Variants in EPCAM observed in about 807,000 individuals in gnomAD.
EPCAM encodes epithelial cell adhesion molecule.
A neutral mutation model predicts 40.0 loss-of-function variants in EPCAM; 39 were observed. The ratio of observed to expected loss-of-function variants is 0.98; its 90% CI spans 0.76 to 1.27. EPCAM has a LOEUF of 1.27. Among genes scored for constraint, EPCAM ranks in the 50% most tolerant of loss-of-function variants. EPCAM has a pLI of 0.00. For synonymous variants in EPCAM, 168 were observed against 132.3 expected, an observed-to-expected ratio of 1.27 and a Z score of -1.85; for missense variants, 503 against 381.2, an observed-to-expected ratio of 1.32 and a Z score of -2.66.
rs2103758925 is a variant in EPCAM at position 47,379,829 on chromosome 2, C to G, written c.718C>G (p.Leu240Val). Residue 240 changes from leucine to valine, a missense_variant, in exon 7 of 9, where the codon CTG becomes GTG. Coordinates refer to ENST00000263735, the MANE Select transcript of EPCAM (RefSeq NM_002354.3). ...KMDLTVNGEQ[L>V]DLDPGQTLIY... is the part of the protein sequence containing the mutation. Reference sequence around the variant, plus strand: ...GGACCTGACAGTAAATGGGGAACAACTGGATCTGGATCCTGGTCAAACTTT... The same window carrying G: ...GGACCTGACAGTAAATGGGGAACAAGTGGATCTGGATCCTGGTCAAACTTT... 6.2e-7 allele frequency: 1 copy of G among 1,614,052 alleles called. No homozygotes were observed. The highest frequency in any genetic ancestry group is 1.1e-5 in the South Asian group (1 of 91,078).
intron 1 of EPCAM, among the ~76,000 whole-genome samples, chr2:47,373,205 T>TAAAAAAAAAAAAAAAAA (rs777057814): frequency 3.1e-5 from 2 of 65,048 alleles, no homozygotes; most frequent in Non-Finnish European, 6.4e-5. Context: ...ACCCTATCTT[T>TAAAAAAAAAAAAAAAAA]AAAAAAAAAA....
At chr2:47,381,085 CAAAAAAAAAAAAAAAAA>C (rs60299402) in intron 7 of EPCAM, among the ~76,000 whole-genome samples, 3 of 38,998 alleles carry the variant, frequency 7.7e-5, no homozygotes, top group African/African-American at 1.1e-4. Flanking sequence ...GACTCTGTCT[CAAAAAAAAAAAAAAAAA>C]AAAAAAAAAA....
chr2:47,378,792 T>C (rs1671496736), intron 5 of EPCAM, among the ~76,000 whole-genome samples, 161 bp from the exon 6 acceptor site: 1 of 152,212 alleles, frequency 6.6e-6, no homozygotes. Flanking sequence ...AAAGATTTCT[T>C]GATTAGTGAT....
chr2:47,385,380 G>A (rs541835675), intron 8 of EPCAM, among the ~76,000 whole-genome samples, 170 bp downstream of exon 8: 66 of 152,158 alleles, frequency 4.3e-4, no homozygotes, highest in African/African-American at 1.4e-3. Flanking sequence ...ATATTCTTGC[G>A]TGAGTTCCAT....
intron 7 of EPCAM, chr2:47,383,109 A>G (rs1438599716): frequency 1.3e-5 from 2 of 151,906 alleles, no homozygotes; most frequent in African/African-American, 2.4e-5. Flanking sequence ...GATCGAGGCC[A>G]TCCTGGCTAA....
chr2:47,377,009 T>G lies in EPCAM; in HGVS notation c.492-5T>G, dbSNP rs78608315. Reference sequence around the variant, plus strand: ...TTTTTAATACAGATTTTAAATTCTTTACAGTGCACTTCAGAAGGAGATCAC... The same window carrying G: ...TTTTTAATACAGATTTTAAATTCTTGACAGTGCACTTCAGAAGGAGATCAC... On this transcript the variant is annotated splice_region_variant and splice_polypyrimidine_tract_variant and intron_variant, in intron 4 of 8. Coordinates refer to ENST00000263735, the MANE Select transcript of EPCAM (RefSeq NM_002354.3). The G allele has an allele frequency of 6.3e-7, 1 of 1,591,906 alleles. No homozygotes were observed. The highest frequency in any genetic ancestry group is 1.3e-5 in the African/African-American group (1 of 74,534).
intron 1 of EPCAM, 24 bp from the exon 2 acceptor site, chr2:47,373,412 GAGAGTTAATAGATCCACATTTTAAAGT>G (rs770095802): frequency 9.7e-5 from 109 of 1,119,772 alleles, no homozygotes; most frequent in Non-Finnish European, 1.9e-5. Context: ...GCTGGGACAT[GAGAGTTAATAGATCCACATTTTAAAGT>G]AGATTTTTTT....
intron 8 of EPCAM, 117 bp from the exon 9 acceptor site, chr2:47,386,455 G>A (rs1485011274): frequency 1.3e-6 from 1 of 752,380 alleles, no homozygotes; most frequent in Non-Finnish European, 2.2e-6. Flanking sequence ...TCTTATAAAT[G>A]TGGGAAAAAA....
At chr2:47,381,656 C>T (rs4130578) in intron 7 of EPCAM, among the ~76,000 whole-genome samples, 5 of 152,042 alleles carry the variant, frequency 3.3e-5, no homozygotes, top group Admixed American at 6.6e-5. Flanking sequence ...TTTAAAAATA[C>T]AAAAAAGTAA....
chr2:47,371,912 T>G lies in EPCAM; in HGVS notation c.77-1551T>G, dbSNP rs538778101. On this transcript the variant is annotated intron_variant, in intron 1 of 8. Transcript: ENST00000263735. ...GAAGGATCAATATAAAAACTCTGGT[T>G]TGTCATGCTAGCTTTTTCTTTTTTT... Among the ~76,000 whole-genome samples the G allele has an allele frequency of 3.1e-4, 47 of 152,324 alleles. No individual in the cohort carries two copies. In the East Asian group the frequency reaches 5.8e-3, roughly 19 times the overall value.
chr2:47,380,051 C>G, intron 7 of EPCAM, 82 bp downstream of exon 7: 1 of 1,546,630 alleles, frequency 6.5e-7, no homozygotes, highest in Non-Finnish European at 8.7e-7. Context: ...GGTGGCTCAC[C>G]ACACCTGTTA....
At chr2:47,378,772 G>A (rs1229701232) in intron 5 of EPCAM, among the ~76,000 whole-genome samples, 181 bp from the exon 6 acceptor site, 2 of 152,160 alleles carry the variant, frequency 1.3e-5, no homozygotes, top group East Asian at 3.9e-4. Context: ...GATAGATTTA[G>A]AGACCTCCCA....
intron 2 of EPCAM, 70 bp from the exon 3 acceptor site, chr2:47,373,738 G>A (rs2103746663): frequency 6.3e-7 from 1 of 1,598,966 alleles, no homozygotes. Flanking sequence ...GAACTTTAGA[G>A]TTAATTTTTT....
Position 47,386,705 on chromosome 2 carries a change from C to G in EPCAM, c.*92C>G. 1 of 997,328 alleles carries G rather than the reference C, an allele frequency of 1.0e-6. No individual in the cohort carries two copies. Among genetic ancestry groups the G allele is most frequent in the South Asian group, 1.3e-5 (1 of 74,336 alleles). The allele number at this position is 997,328 out of a possible 1,614,324, so 61.8% of individuals were successfully genotyped here. ...GTGGGACGAAGACATCTTTGAAGGT[C>G]ATGAGTTTGTTAGTTTAACATCATA... On this transcript the variant is annotated 3_prime_UTR_variant, in exon 9 of 9. Transcript: ENST00000263735.
intron 7 of EPCAM, among the ~76,000 whole-genome samples, chr2:47,384,369 G>A (rs565963641): frequency 2.0e-5 from 3 of 149,912 alleles, no homozygotes; most frequent in African/African-American, 7.4e-5. Context: ...CTCTGAAAGT[G>A]GTAAGATTAC....
At chr2:47,373,722 A>T in intron 2 of EPCAM, 86 bp from the exon 3 acceptor site, 1 of 1,569,728 alleles carries the variant, frequency 6.4e-7, no homozygotes, top group Non-Finnish European at 8.7e-7. Context: ...ATAATCTTTG[A>T]CCCTGGAACT....
rs1246534700 is a variant in EPCAM at position 47,373,945 on chromosome 2, A to T, written c.322A>T (p.Lys108Ter). 1 of 1,613,988 alleles carries T rather than the reference A, an allele frequency of 6.2e-7. No homozygotes were observed. The highest frequency in any genetic ancestry group is 1.3e-5 in the African/African-American group (1 of 74,916). ...DCDESGLFKA[K>*]QCNGTSMCWC... ...CGATGAGAGCGGGCTCTTTAAGGCCAAGCAGTGCAACGGCACCTCCATGTG... is the reference window on the plus strand; with the variant it reads ...CGATGAGAGCGGGCTCTTTAAGGCCTAGCAGTGCAACGGCACCTCCATGTG... The change falls in exon 3 of 9, where the codon AAG becomes TAG. Residue 108 changes from lysine to a stop codon, truncating the protein, a stop_gained. Transcript: ENST00000263735. LOFTEE classifies it high-confidence loss of function.
chr2:47,373,670 G>C (rs2103746403), intron 2 of EPCAM, 100 bp downstream of exon 2: 2 of 1,444,838 alleles, frequency 1.4e-6, no homozygotes, highest in Non-Finnish European at 1.9e-6. Flanking sequence ...GCTTAAATCT[G>C]AATCATGTTA....
chr2:47,384,592 T>C (rs1374408667), intron 7 of EPCAM, among the ~76,000 whole-genome samples: 2 of 150,850 alleles, frequency 1.3e-5, no homozygotes, highest in African/African-American at 4.9e-5. Flanking sequence ...TTTTTTGTTT[T>C]TTTAGTAGAG....
Sources: allele counts gnomAD v4.1 joint callset (sites outside exome capture counted in the v4.1 genomes callset), GRCh38; gene constraint gnomAD v4.1.1; transcripts MANE v1.5; gene names NCBI Gene and HGNC (gene_info 2026-07-23, HGNC 2026-07-21).